The following ZCWPW2 variants were observed in gnomAD, a reference collection of about 807,000 sequenced individuals.
The protein encoded by ZCWPW2 is zinc finger CW-type PWWP domain protein 2.
Under a neutral mutation model 46.6 loss-of-function variants are expected in ZCWPW2, and 45 were observed. That is an observed-to-expected ratio of 0.96 (90% CI 0.76 to 1.24). The LOEUF (loss-of-function observed/expected upper bound fraction) is 1.24. ZCWPW2 is among the 50% of genes most tolerant of loss of function. ZCWPW2 has a pLI of 0.00. For synonymous variants in ZCWPW2, 152 were observed against 137.1 expected, an observed-to-expected ratio of 1.11 and a Z score of -0.76; for missense variants, 429 against 403.9, an observed-to-expected ratio of 1.06 and a Z score of -0.53.
At chr3:28,518,176 A>G (rs1700626993) in intron 8 of ZCWPW2, among the ~76,000 whole-genome samples, 1 of 149,396 alleles carries the variant, frequency 6.7e-6, no homozygotes, top group Non-Finnish European at 1.5e-5. Context: ...GGACTTCGCT[A>G]CTACAGATAC....
chr3:28,356,688 G>C lies in ZCWPW2; in HGVS notation c.-134+7485G>C, dbSNP rs185843300. Among the ~76,000 whole-genome samples the C allele has an allele frequency of 2.5e-3, 387 of 152,286 alleles. 1 individual carries two copies. Among genetic ancestry groups the C allele is most frequent in the African/African-American group, 8.4e-3 (351 of 41,558 alleles). ...ACTATGCAGACATAAAAAATGATGA[G>C]TTCATGTCCTTTGTAGGGACATGGA... On this transcript the variant is annotated intron_variant, in intron 1 of 9. Coordinates refer to ENST00000383768, the MANE Select transcript of ZCWPW2 (RefSeq NM_001040432.4).
chr3:28,459,159 A>C (rs1209578637), intron 4 of ZCWPW2, among the ~76,000 whole-genome samples: 1 of 152,088 alleles, frequency 6.6e-6, no homozygotes, highest in African/African-American at 2.4e-5. Context: ...TCATGAGGTC[A>C]GGAGATTGAG....
At chr3:28,480,277 T>C (rs1235275773) in intron 5 of ZCWPW2, among the ~76,000 whole-genome samples, 1 of 152,222 alleles carries the variant, frequency 6.6e-6, no homozygotes, top group Non-Finnish European at 1.5e-5. Context: ...TAGTGTGAGA[T>C]AGTATCTCAT....
At chr3:28,405,829 T>C (rs1696135093) in intron 2 of ZCWPW2, among the ~76,000 whole-genome samples, 1 of 152,076 alleles carries the variant, frequency 6.6e-6, no homozygotes, top group South Asian at 2.1e-4. Context: ...AGGAGTGCAA[T>C]AGAGAATGTC....
chr3:28,396,460 G>A (rs1223408923), intron 2 of ZCWPW2, among the ~76,000 whole-genome samples: 2 of 152,026 alleles, frequency 1.3e-5, no homozygotes, highest in Non-Finnish European at 1.5e-5. Flanking sequence ...TAAAATGAAG[G>A]TTTGACTGAA....
intron 5 of ZCWPW2, among the ~76,000 whole-genome samples, chr3:28,486,025 C>T (rs890162094): frequency 2.6e-5 from 4 of 151,714 alleles, no homozygotes; most frequent in Non-Finnish European, 4.4e-5. Context: ...CTTTTTCTGT[C>T]TTTGTGATTT....
intron 6 of ZCWPW2, among the ~76,000 whole-genome samples, chr3:28,505,857 G>T (rs1033024254): frequency 2.0e-5 from 3 of 151,500 alleles, no homozygotes; most frequent in African/African-American, 4.8e-5. Flanking sequence ...TCACACCCTC[G>T]CATTTAAAAG....
chr3:28,395,462 G>A (rs1373928198), intron 2 of ZCWPW2, among the ~76,000 whole-genome samples: 1 of 152,178 alleles, frequency 6.6e-6, no homozygotes, highest in African/African-American at 2.4e-5. Flanking sequence ...CCAATCCCAT[G>A]TTAACTGCGG....
At chr3:28,414,684 A>T (rs1261505469) in intron 3 of ZCWPW2, among the ~76,000 whole-genome samples, 1 of 108,738 alleles carries the variant, frequency 9.2e-6, no homozygotes, top group Non-Finnish European at 1.9e-5. Context: ...TTCAATTCCC[A>T]CCTATGAGTG....
chr3:28,380,934 GTATA>G (rs578178124), intron 1 of ZCWPW2, among the ~76,000 whole-genome samples: 507 of 13,368 alleles, frequency 0.038, 59 homozygotes, highest in South Asian at 0.07. Flanking sequence ...TATATATTTG[GTATA>G]TATATATATA....
chr3:28,367,905 C>CT (rs1470984995), intron 1 of ZCWPW2, among the ~76,000 whole-genome samples: 2 of 151,994 alleles, frequency 1.3e-5, no homozygotes, highest in Admixed American at 1.3e-4. Context: ...ATGTAATGGC[C>CT]TCTTCGTCTC....
chr3:28,425,277 T>C (rs772801333), intron 3 of ZCWPW2, among the ~76,000 whole-genome samples: 146 of 152,182 alleles, frequency 9.6e-4, no homozygotes, highest in Non-Finnish European at 1.9e-3. Flanking sequence ...TATTCCTCTT[T>C]ATAAACTAAG....
intron 1 of ZCWPW2, among the ~76,000 whole-genome samples, chr3:28,379,578 T>C (rs1705606655): frequency 6.6e-6 from 1 of 152,184 alleles, no homozygotes; most frequent in Non-Finnish European, 1.5e-5. Flanking sequence ...AACAAAAGTT[T>C]AGAAGGAAAA....
At chr3:28,451,891 A>G (rs563660890) in intron 4 of ZCWPW2, among the ~76,000 whole-genome samples, 14 of 152,342 alleles carry the variant, frequency 9.2e-5, no homozygotes, top group African/African-American at 2.2e-4. Context: ...CCTACTATCA[A>G]ATAATCTTGT....
rs999886707 is a variant in ZCWPW2, at chr3:28,435,113, G to C, written c.336G>C (p.Trp112Cys). The change falls in exon 4 of 10, where the codon TGG becomes TGC. Residue 112 changes from tryptophan to cysteine, a missense_variant. Transcript: ENST00000383768. ...VLVKLQNWPS[W>C]PGILCPDRFK... ...TACAAATATTTTCTTTTGAAAGTTG[G>C]CCAGGAATACTTTGCCCTGACCGTT... is the stretch of plus-strand genomic sequence containing the variant. 41 of 1,605,468 alleles carry C rather than the reference G, an allele frequency of 2.6e-5. No homozygotes were observed. The highest frequency in any genetic ancestry group is 3.3e-5 in the Non-Finnish European group (39 of 1,177,978).
At chr3:28,402,999 G>A (rs1696012197) in intron 2 of ZCWPW2, among the ~76,000 whole-genome samples, 1 of 152,128 alleles carries the variant, frequency 6.6e-6, no homozygotes, top group African/African-American at 2.4e-5. Flanking sequence ...AGACAAGGAT[G>A]CCCACTCTCA....
intron 2 of ZCWPW2, among the ~76,000 whole-genome samples, chr3:28,403,146 A>G (rs1696016710): frequency 6.6e-6 from 1 of 152,108 alleles, no homozygotes; most frequent in African/African-American, 2.4e-5. Context: ...TACCTAGAGA[A>G]CCCTAAAGAC....
chr3:28,409,856 G>A (rs1286851187), intron 2 of ZCWPW2, among the ~76,000 whole-genome samples: 1 of 152,102 alleles, frequency 6.6e-6, no homozygotes, highest in East Asian at 1.9e-4. Context: ...GTATATCAGT[G>A]TCAAAGTAAA....
intron 4 of ZCWPW2, among the ~76,000 whole-genome samples, chr3:28,444,173 T>A (rs575589699): frequency 4.6e-5 from 7 of 152,326 alleles, no homozygotes; most frequent in Admixed American, 4.6e-4. Context: ...ATTATGCTTG[T>A]TCACCAGATT....
Sources: allele counts gnomAD v4.1 joint callset (sites outside exome capture counted in the v4.1 genomes callset), GRCh38; gene constraint gnomAD v4.1.1; transcripts MANE v1.5; gene names NCBI Gene and HGNC (gene_info 2026-07-23, HGNC 2026-07-21).